The following ZFHX3 variants were observed in gnomAD, a reference collection of about 807,000 sequenced individuals.
ZFHX3 encodes the protein zinc finger homeobox 3, also known as zinc finger homeobox protein 3.
In ZFHX3, 42 loss-of-function variants were observed where a neutral mutation model predicts 279.1. That is an observed-to-expected ratio of 0.15 (90% CI 0.12 to 0.19). ZFHX3 has a LOEUF of 0.19. Ranked by LOEUF, ZFHX3 falls within the 10% of genes least tolerant of loss-of-function variation. The pLI is 1.00. For missense variants in ZFHX3, 4,981 were observed against 4,754.0 expected, an observed-to-expected ratio of 1.05 and a Z score of -1.40; for synonymous variants, 2,293 against 1,957.8, an observed-to-expected ratio of 1.17 and a Z score of -4.52.
chr16:73,745,196 AC>A (rs1240358351), intron 1 of ZFHX3, among the ~76,000 whole-genome samples: 1 of 152,120 alleles, frequency 6.6e-6, no homozygotes, highest in Non-Finnish European at 1.5e-5. Context: ...TATTTGAGAG[AC>A]CTTTTTCCTT....
At chr16:73,667,389 C>A (rs1567546748) in intron 2 of ZFHX3, among the ~76,000 whole-genome samples, 1 of 152,170 alleles carries the variant, frequency 6.6e-6, no homozygotes, top group African/African-American at 2.4e-5. Context: ...TTAACATACG[C>A]TTTTGTGTGA....
At chr16:72,886,669 CCAAA>C (rs1363825740) in intron 4 of ZFHX3, among the ~76,000 whole-genome samples, 3 of 152,194 alleles carry the variant, frequency 2.0e-5, no homozygotes, top group Non-Finnish European at 4.4e-5. Flanking sequence ...AAAAAACACC[CCAAA>C]CAAAGCACAA....
intron 1 of ZFHX3, among the ~76,000 whole-genome samples, chr16:73,747,554 C>T (rs1313758569): frequency 1.3e-5 from 2 of 152,130 alleles, no homozygotes; most frequent in East Asian, 1.9e-4. Flanking sequence ...GACTAATATA[C>T]TAGGTGATCT....
At chr16:73,832,619 C>T (rs1961028612) in intron 1 of ZFHX3, among the ~76,000 whole-genome samples, 1 of 152,032 alleles carries the variant, frequency 6.6e-6, no homozygotes, top group Admixed American at 6.5e-5. Flanking sequence ...GCAATCATAG[C>T]TCACTGCGGA....
At position 73,112,256 on chromosome 16, in the gene ZFHX3, C is replaced by T. The variant is rs1966383594; in HGVS notation, c.-896-18658G>A. On this transcript the variant is annotated intron_variant, in intron 7 of 17. Transcript: ENST00000641206. ...GGTGGGATAATGAGAGAAAGAGAGG[C>T]AGAACCCCAAGCAGGAGCCTACAGA... is the stretch of plus-strand genomic sequence containing the variant. Among the ~76,000 whole-genome samples the T allele has an allele frequency of 2.6e-5, 4 of 151,728 alleles. No individual in the cohort carries two copies. The South Asian group carries it at 8.4e-4, about 32-fold the overall frequency.
intron 4 of ZFHX3, among the ~76,000 whole-genome samples, chr16:72,876,246 T>A (rs915107577): frequency 1.3e-5 from 2 of 152,222 alleles, no homozygotes; most frequent in Non-Finnish European, 2.9e-5. Context: ...CAAATTTTAC[T>A]GTTCTCTGTA....
chr16:73,352,604 C>G (rs894849493), intron 3 of ZFHX3, among the ~76,000 whole-genome samples: 1 of 151,104 alleles, frequency 6.6e-6, no homozygotes, highest in Non-Finnish European at 1.5e-5. Flanking sequence ...CCCAGTCTCT[C>G]GAGCAGCTGG....
At chr16:73,822,660 C>T (rs1166479758) in intron 1 of ZFHX3, among the ~76,000 whole-genome samples, 1 of 152,132 alleles carries the variant, frequency 6.6e-6, no homozygotes, top group African/African-American at 2.4e-5. Context: ...AAAGTGTGTG[C>T]CTGGCAGTTG....
intron 5 of ZFHX3, among the ~76,000 whole-genome samples, chr16:73,156,336 A>G (rs1967084650): frequency 1.3e-5 from 2 of 152,056 alleles, no homozygotes; most frequent in African/African-American, 2.4e-5. Context: ...AGTAGTTCCC[A>G]TTAAAAAAAA....
At chr16:72,861,822 C>T (rs2037897150) in intron 4 of ZFHX3, among the ~76,000 whole-genome samples, 1 of 152,126 alleles carries the variant, frequency 6.6e-6, no homozygotes, top group South Asian at 2.1e-4. Context: ...CAAGACCAGT[C>T]TGGCCAACAA....
upstream of ZFHX3, chr16:73,061,128 C>T (rs1289787213): frequency 6.6e-6 from 1 of 152,178 alleles, no homozygotes; most frequent in Non-Finnish European, 1.5e-5. Context: ...CCATGCAGGA[C>T]AGCTGATCAA....
chr16:73,269,763 T>G (rs1447493538), intron 4 of ZFHX3, among the ~76,000 whole-genome samples: 1 of 152,078 alleles, frequency 6.6e-6, no homozygotes, highest in Non-Finnish European at 1.5e-5. Flanking sequence ...TTATTTTTTT[T>G]TTTGAGACGG....
At chr16:73,337,745 T>C (rs2015941618) in intron 3 of ZFHX3, among the ~76,000 whole-genome samples, 1 of 151,938 alleles carries the variant, frequency 6.6e-6, no homozygotes, top group African/African-American at 2.4e-5. Flanking sequence ...CCCACTGTAC[T>C]GGTCACACCC....
chr16:72,821,699 G>A (rs576719597), intron 5 of ZFHX3, among the ~76,000 whole-genome samples: 6 of 152,188 alleles, frequency 3.9e-5, no homozygotes, highest in Non-Finnish European at 1.5e-5. Context: ...CATCCTATCT[G>A]ACTACACTGA....
chr16:73,600,379 T>C (rs1265040172), intron 2 of ZFHX3, among the ~76,000 whole-genome samples: 1 of 151,852 alleles, frequency 6.6e-6, no homozygotes, highest in Non-Finnish European at 1.5e-5. Context: ...CCATGGCTGC[T>C]GTATCTTTTA....
chr16:73,084,336 C>T (rs988848452), intron 8 of ZFHX3, among the ~76,000 whole-genome samples: 1 of 152,020 alleles, frequency 6.6e-6, no homozygotes, highest in Admixed American at 6.6e-5. Context: ...TTTAGAAAAA[C>T]TTAGAAACAC....
At chr16:73,790,171 A>T (rs1959779811) in intron 1 of ZFHX3, among the ~76,000 whole-genome samples, 1 of 152,088 alleles carries the variant, frequency 6.6e-6, no homozygotes. Flanking sequence ...GTAACAAAAA[A>T]ATTGTCCTAA....
intron 2 of ZFHX3, among the ~76,000 whole-genome samples, chr16:73,468,601 G>C (rs149696934): frequency 1.3e-5 from 2 of 152,152 alleles, no homozygotes. Flanking sequence ...GCCAGGTGTG[G>C]TGGGACATGC....
At chr16:73,846,850 C>T (rs1961462035) in intron 1 of ZFHX3, among the ~76,000 whole-genome samples, 1 of 152,220 alleles carries the variant, frequency 6.6e-6, no homozygotes, top group South Asian at 2.1e-4. Context: ...TTCCTACACC[C>T]CCATAAAAGA....
Sources: allele counts gnomAD v4.1 joint callset (sites outside exome capture counted in the v4.1 genomes callset), GRCh38; gene constraint gnomAD v4.1.1; transcripts MANE v1.5; gene names NCBI Gene and HGNC (gene_info 2026-07-23, HGNC 2026-07-21).